SNTG1: variants seen among roughly 807,000 people sequenced by gnomAD.
SNTG1 encodes gamma-1-syntrophin.
SNTG1 carries 39 observed loss-of-function variants against 74.7 expected under a neutral mutation model. The ratio of observed to expected loss-of-function variants is 0.52; its 90% CI spans 0.40 to 0.68. The LOEUF (loss-of-function observed/expected upper bound fraction) is 0.68. Ranked by LOEUF, SNTG1 falls within the 30% of genes least tolerant of loss-of-function variation. The pLI, the probability that SNTG1 is intolerant of heterozygous loss-of-function variation, is 0.00. For synonymous variants in SNTG1, 254 were observed against 217.1 expected (o/e 1.17, Z -1.49); for missense variants, 685 against 609.5 (o/e 1.12, Z -1.30).
At position 50,228,127 on chromosome 8, in the gene SNTG1, A is replaced by G. The variant is rs1586768784; in HGVS notation, c.-28+55492A>G. Among the ~76,000 whole-genome samples, 8 of 152,078 alleles carry G rather than the reference A, an allele frequency of 5.3e-5. No homozygotes were observed. In the South Asian group the frequency reaches 1.7e-3, roughly 32 times the overall value. ...AAGAAGAGTGATAGAAACTCTAAAA[A>G]TGAATTAAAAGAAAATGTAAGAATC... On this transcript the variant is annotated intron_variant, in intron 2 of 18. Transcript: ENST00000642720.
chr8:50,346,791 C>T (rs2130971321), intron 2 of SNTG1, among the ~76,000 whole-genome samples: 1 of 152,364 alleles, frequency 6.6e-6, no homozygotes, highest in Non-Finnish European at 1.5e-5. Context: ...AAAACAGCTA[C>T]AACATTCCCT....
At chr8:49,941,379 G>A (rs1388658690) in intron 1 of SNTG1, among the ~76,000 whole-genome samples, 4 of 151,230 alleles carry the variant, frequency 2.6e-5, no homozygotes, top group Admixed American at 6.6e-5. Context: ...ACTTATAACT[G>A]ATATTCAGAA....
At chr8:50,783,469 G>A (rs532338724) in intron 18 of SNTG1, among the ~76,000 whole-genome samples, 33 of 152,314 alleles carry the variant, frequency 2.2e-4, no homozygotes, top group African/African-American at 7.7e-4. Flanking sequence ...CTAGCAATCA[G>A]GGAGACTCCA....
chr8:50,422,255 TCTATCTATCTATCTA>T lies in SNTG1; in HGVS notation c.163-16272_163-16258del, dbSNP rs746074958. The stretch of plus-strand genomic sequence containing the variant: ...CCTTCAACAGCGATCTATCTATCTA[TCTATCTATCTATCTA>T]CTATCTATCTATCTATGTAGATAGG... On this transcript the variant is annotated intron_variant, in intron 4 of 18. Coordinates refer to ENST00000642720, the MANE Select transcript of SNTG1 (RefSeq NM_018967.5). 0.02 allele frequency among the ~76,000 whole-genome samples: 67 copies of T among 3,412 alleles called. No homozygotes were observed. In the Non-Finnish European group the frequency reaches 0.35, roughly 18 times the overall value. 2.2% of individuals were successfully genotyped at this position (3,412 alleles called of 152,430 possible). A position where few individuals can be genotyped will look rare whatever the true frequency, so the allele number is the denominator to read the frequency against.
chr8:50,085,677 G>A (rs1251296437), intron 1 of SNTG1, among the ~76,000 whole-genome samples: 5 of 152,196 alleles, frequency 3.3e-5, no homozygotes, highest in African/African-American at 1.2e-4. Flanking sequence ...AGGATATAAA[G>A]TAATCCTGAC....
chr8:50,473,888 G>A (rs2093673701), intron 8 of SNTG1, among the ~76,000 whole-genome samples: 1 of 152,060 alleles, frequency 6.6e-6, no homozygotes, highest in Non-Finnish European at 1.5e-5. Context: ...GCAGAAAATA[G>A]AATAGTGTTT....
At chr8:49,986,136 C>T (rs988902931) in intron 1 of SNTG1, among the ~76,000 whole-genome samples, 11 of 152,018 alleles carry the variant, frequency 7.2e-5, no homozygotes, top group African/African-American at 1.7e-4. Context: ...TCAGACCTAT[C>T]GAGGTAAGTT....
chr8:50,280,985 C>CAAAAA (rs35973666), intron 2 of SNTG1, among the ~76,000 whole-genome samples: 29 of 75,350 alleles, frequency 3.8e-4, no homozygotes, highest in Non-Finnish European at 4.9e-4. Flanking sequence ...AACCCAGTCT[C>CAAAAA]AAAAAAAAAA....
intron 5 of SNTG1, among the ~76,000 whole-genome samples, chr8:50,440,660 A>G (rs1224844455): frequency 6.6e-6 from 1 of 152,214 alleles, no homozygotes; most frequent in Non-Finnish European, 1.5e-5. Flanking sequence ...ACATAAACGC[A>G]TATCTTACCA....
chr8:49,939,033 CTT>C (rs1808437874), intron 1 of SNTG1, among the ~76,000 whole-genome samples: 1 of 152,014 alleles, frequency 6.6e-6, no homozygotes, highest in African/African-American at 2.4e-5. Context: ...TGAAATAAGA[CTT>C]TAGGATATTT....
intron 1 of SNTG1, among the ~76,000 whole-genome samples, chr8:50,009,950 C>T (rs528926756): frequency 6.6e-6 from 1 of 152,130 alleles, no homozygotes; most frequent in Admixed American, 6.5e-5. Flanking sequence ...AAGCCGAGAT[C>T]GTGCCATTGC....
intron 2 of SNTG1, among the ~76,000 whole-genome samples, chr8:50,174,713 AT>A (rs879694153): frequency 3.9e-5 from 6 of 152,068 alleles, no homozygotes; most frequent in African/African-American, 7.2e-5. Context: ...CATTTTTTAA[AT>A]TTTTTTATTT....
intron 5 of SNTG1, among the ~76,000 whole-genome samples, chr8:50,446,972 A>G (rs1240430532): frequency 1.3e-5 from 2 of 152,198 alleles, no homozygotes; most frequent in African/African-American, 4.8e-5. Flanking sequence ...AATATTAACA[A>G]TAACTAATAA....
chr8:50,703,566 AT>A (rs576651314), intron 15 of SNTG1, among the ~76,000 whole-genome samples: 60 of 152,154 alleles, frequency 3.9e-4, no homozygotes, highest in Non-Finnish European at 7.5e-4. Flanking sequence ...CACTAAAAAA[AT>A]AGGAGTACAG....
chr8:50,100,929 C>T (rs2080098403), intron 1 of SNTG1, among the ~76,000 whole-genome samples: 1 of 152,100 alleles, frequency 6.6e-6, no homozygotes, highest in South Asian at 2.1e-4. Flanking sequence ...TCCTCACCCT[C>T]CTCCCACTGT....
intron 4 of SNTG1, among the ~76,000 whole-genome samples, chr8:50,411,033 A>C (rs1000033590): frequency 6.6e-6 from 1 of 152,192 alleles, no homozygotes; most frequent in African/African-American, 2.4e-5. Flanking sequence ...TATCAGTTTA[A>C]TCCCGTTTTT....
intron 2 of SNTG1, among the ~76,000 whole-genome samples, chr8:50,267,595 T>C (rs2087547829): frequency 6.6e-6 from 1 of 152,152 alleles, no homozygotes. Flanking sequence ...GAAAAATAAC[T>C]TAGCAGTTCC....
intron 1 of SNTG1, among the ~76,000 whole-genome samples, chr8:49,957,699 T>C (rs190720264): frequency 6.6e-6 from 1 of 152,314 alleles, no homozygotes; most frequent in African/African-American, 2.4e-5. Context: ...ACCTTCCCCT[T>C]TGCCCTTTGG....
intron 1 of SNTG1, among the ~76,000 whole-genome samples, chr8:50,120,049 G>A (rs536140747): frequency 7.1e-6 from 1 of 141,840 alleles, no homozygotes; most frequent in East Asian, 2.0e-4. Context: ...GTCTTCCTGA[G>A]TTAAAAATGT....
Sources: allele counts gnomAD v4.1 joint callset (sites outside exome capture counted in the v4.1 genomes callset), GRCh38; gene constraint gnomAD v4.1.1; transcripts MANE v1.5; gene names NCBI Gene and HGNC (gene_info 2026-07-23, HGNC 2026-07-21).